The following TGIF1 variants were observed in gnomAD, a reference collection of about 807,000 sequenced individuals.
TGIF1 encodes the protein homeobox protein TGIF1.
TGIF1 carries 4 observed loss-of-function variants against 19.3 expected under a neutral mutation model. That is an observed-to-expected ratio of 0.21 (90% CI 0.10 to 0.47). The LOEUF is 0.47. Among genes scored for constraint, TGIF1 ranks in the 20% least tolerant of loss-of-function variants. The pLI is 0.98. For missense variants in TGIF1, 275 were observed against 341.4 expected, an observed-to-expected ratio of 0.81 and a Z score of 1.53; for synonymous variants, 122 against 129.3, an observed-to-expected ratio of 0.94 and a Z score of 0.38.
At chr18:3,437,309 G>A (rs1483113568) in intron 2 of TGIF1, among the ~76,000 whole-genome samples, 1 of 152,148 alleles carries the variant, frequency 6.6e-6, no homozygotes, top group Non-Finnish European at 1.5e-5. Context: ...AATGAGGAAT[G>A]AGTGTAAACG....
upstream of TGIF1, chr18:3,449,626 G>A: frequency 9.2e-6 from 9 of 978,196 alleles, 1 homozygote; most frequent in South Asian, 4.4e-4. Flanking sequence ...CCGCGCCCGC[G>A]TGTCAATGGC....
At chr18:3,418,050 C>T (rs1162436872) in intron 1 of TGIF1, 1 of 151,798 alleles carries the variant, frequency 6.6e-6, no homozygotes, top group Non-Finnish European at 1.5e-5. Flanking sequence ...TTCCTCTCCC[C>T]AAATTGTCTA....
chr18:3,457,352 G>A lies in TGIF1; in HGVS notation c.244-13G>A, dbSNP rs372034652. ...AATGAGGAAAATGTTAAAGCGTACC[G>A]ATATGATTTCAGGTCTGTAACTGGT... On this transcript the variant is annotated splice_polypyrimidine_tract_variant and intron_variant, in intron 2 of 2. Coordinates refer to ENST00000343820, the MANE Select transcript of TGIF1 (RefSeq NM_003244.4). The surrounding 1 kb of genome is among the most constrained non-coding windows in gnomAD (Gnocchi z 4.9). 46 of 1,613,866 alleles carry A rather than the reference G, an allele frequency of 2.9e-5. 1 individual carries two copies. Among genetic ancestry groups the A allele is most frequent in the Non-Finnish European group, 3.6e-5 (42 of 1,179,886 alleles).
At chr18:3,443,375 A>G (rs1293136540) in intron 2 of TGIF1, among the ~76,000 whole-genome samples, 1 of 152,018 alleles carries the variant, frequency 6.6e-6, no homozygotes, top group Admixed American at 6.6e-5. Flanking sequence ...CCCACAGACT[A>G]CAACTTCTTC....
At chr18:3,454,464 A>G (rs1200447917) in intron 1 of TGIF1, among the ~76,000 whole-genome samples, 2 of 151,884 alleles carry the variant, frequency 1.3e-5, no homozygotes, top group Non-Finnish European at 2.9e-5. Context: ...GCTTTATTCA[A>G]ATTTGCTTTA....
At chr18:3,431,555 C>G (rs1037168414) in intron 2 of TGIF1, among the ~76,000 whole-genome samples, 9 of 151,926 alleles carry the variant, frequency 5.9e-5, no homozygotes, top group African/African-American at 2.2e-4. Flanking sequence ...CATACTGATA[C>G]AAATAAGCAA....
At chr18:3,425,262 C>T (rs1325813218) in intron 2 of TGIF1, among the ~76,000 whole-genome samples, 2 of 152,196 alleles carry the variant, frequency 1.3e-5, no homozygotes, top group African/African-American at 4.8e-5. Flanking sequence ...ACTGGCTGTC[C>T]TTGCTCATAC....
chr18:3,450,158 T>G, upstream of TGIF1: 1 of 1,260,482 alleles, frequency 7.9e-7, no homozygotes, highest in Non-Finnish European at 1.0e-6. Context: ...GTACCTTCCC[T>G]CCTCGCCTCT....
intron 2 of TGIF1, among the ~76,000 whole-genome samples, chr18:3,436,635 G>A (rs146377149): frequency 2.2e-3 from 324 of 148,512 alleles, no homozygotes; most frequent in Non-Finnish European, 3.3e-3. Context: ...CCTGGCCAAC[G>A]TGGTGAAAGC....
At chr18:3,414,601 G>T (rs547844289) in intron 1 of TGIF1, among the ~76,000 whole-genome samples, 1 of 152,262 alleles carries the variant, frequency 6.6e-6, no homozygotes, top group South Asian at 2.1e-4. Flanking sequence ...TTAAAGAGGT[G>T]ACCCATCTGT....
At chr18:3,448,738 T>TTTTTTTTTTTTTTTTTTTTG (rs1416217387), upstream of TGIF1, 1 of 320,438 alleles carries the variant, frequency 3.1e-6, no homozygotes, top group African/African-American at 2.9e-5. Context: ...TTTTTTTTTT[T>TTTTTTTTTTTTTTTTTTTTG]GAGGGAGGGT....
rs75730790 is a variant in TGIF1 at position 3,453,302 on chromosome 18, C to T, written c.16+2797C>T. Among the ~76,000 whole-genome samples, 660 of 152,228 alleles carry T rather than the reference C, an allele frequency of 4.3e-3. 7 individuals carry two copies. Among genetic ancestry groups the T allele is most frequent in the African/African-American group, 0.015 (619 of 41,540 alleles). ...TTTGCTTTTTCCTAATTGTGCATCT[C>T]GACTTTTCCCATCAATCTTATTTCT... On this transcript the variant is annotated intron_variant, in intron 1 of 2. Transcript: ENST00000343820.
chr18:3,454,391 AAGG>A (rs976758227), intron 1 of TGIF1, among the ~76,000 whole-genome samples: 29 of 152,256 alleles, frequency 1.9e-4, no homozygotes, highest in African/African-American at 6.3e-4. Flanking sequence ...TAAAAAAAGG[AAGG>A]AGATAATAGC....
chr18:3,415,961 G>T (rs892524065), intron 1 of TGIF1, among the ~76,000 whole-genome samples: 2 of 152,212 alleles, frequency 1.3e-5, no homozygotes, highest in Non-Finnish European at 2.9e-5. Flanking sequence ...GCTACAGTTT[G>T]AGAGAAAGTA....
chr18:3,446,631 A>C (rs1468196028), upstream of TGIF1, among the ~76,000 whole-genome samples: 1 of 152,226 alleles, frequency 6.6e-6, no homozygotes, highest in African/African-American at 2.4e-5. Flanking sequence ...CAGTTACACT[A>C]TTCATGCAAG....
At chr18:3,435,714 TCCC>T (rs2082605943) in intron 2 of TGIF1, among the ~76,000 whole-genome samples, 1 of 152,134 alleles carries the variant, frequency 6.6e-6, no homozygotes, top group Non-Finnish European at 1.5e-5. Context: ...TTAGAATAAA[TCCC>T]CAATAATTGC....
Position 3,450,493 on chromosome 18 carries a change from A to G in TGIF1, c.4A>G (p.Lys2Glu), listed in dbSNP as rs746732470. M[K>E]GKKGIVAASG... ...GCGCTGGGAGGGGAGATCCAGAATG[A>G]AAGGCAAGAAAGGTAAGGCGGCCGC... is the stretch of plus-strand genomic sequence containing the variant. The change falls in exon 1 of 3, where the codon AAA (lysine) becomes GAA (glutamate). Residue 2 changes from lysine to glutamate, a missense_variant. Lys to Glu is a moderately conservative substitution (Grantham distance 56, BLOSUM62 1). Transcript: ENST00000343820. The G allele has an allele frequency of 1.2e-5, 18 of 1,562,672 alleles. No homozygotes were observed. The highest frequency in any genetic ancestry group is 1.6e-5 in the Non-Finnish European group (18 of 1,153,832).
intron 2 of TGIF1, among the ~76,000 whole-genome samples, chr18:3,441,062 C>G (rs915259815): frequency 6.6e-6 from 1 of 152,104 alleles, no homozygotes; most frequent in South Asian, 2.1e-4. Context: ...CATGTCCCCC[C>G]CTCCATGTTT....
chr18:3,424,492 A>G (rs78538431), intron 2 of TGIF1, among the ~76,000 whole-genome samples: 1,933 of 148,496 alleles, frequency 0.013, 44 homozygotes, highest in African/African-American at 0.045. Context: ...CTCTCCTGTG[A>G]TATTGTGAAA....
Sources: allele counts gnomAD v4.1 joint callset (sites outside exome capture counted in the v4.1 genomes callset), GRCh38; gene constraint gnomAD v4.1.1; non-coding constraint Gnocchi (gnomAD v3.1); transcripts MANE v1.5; gene names NCBI Gene and HGNC (gene_info 2026-07-23, HGNC 2026-07-21).